SGIP1: variants seen among roughly 807,000 people sequenced by gnomAD.
The protein encoded by SGIP1 is SH3-containing GRB2-like protein 3-interacting protein 1.
In SGIP1, 38 loss-of-function variants were observed where a neutral mutation model predicts 107.5. The ratio of observed to expected loss-of-function variants is 0.35; its 90% confidence interval spans 0.27 to 0.46. The LOEUF (loss-of-function observed/expected upper bound fraction) is 0.46, where lower values mean the gene tolerates loss of function less well. Ranked by LOEUF, SGIP1 falls within the 20% of genes least tolerant of loss-of-function variation. SGIP1 has a pLI of 1.00. For synonymous variants in SGIP1, 365 were observed against 366.1 expected, an observed-to-expected ratio of 1.00 and a Z score of 0.03; for missense variants, 929 against 1,019.5, an observed-to-expected ratio of 0.91 and a Z score of 1.21.
chr1:66,720,194 G>C (rs1421443330), intron 19 of SGIP1, among the ~76,000 whole-genome samples: 1 of 152,030 alleles, frequency 6.6e-6, no homozygotes, highest in East Asian at 1.9e-4. Context: ...TCTATAAAAA[G>C]AGTCTATAAT....
intron 18 of SGIP1, among the ~76,000 whole-genome samples, chr1:66,710,114 C>A (rs754659496): frequency 3.3e-5 from 5 of 151,920 alleles, no homozygotes; most frequent in Admixed American, 6.6e-5. Flanking sequence ...TTCTCCCAAA[C>A]CTATTCTAAA....
At chr1:66,577,562 A>C (rs1359051724) in intron 1 of SGIP1, among the ~76,000 whole-genome samples, 1 of 152,046 alleles carries the variant, frequency 6.6e-6, no homozygotes, top group African/African-American at 2.4e-5. Context: ...GACTATTTTA[A>C]CTGATGGGTG....
At chr1:66,571,236 A>G (rs1000020074) in intron 1 of SGIP1, among the ~76,000 whole-genome samples, 2 of 152,024 alleles carry the variant, frequency 1.3e-5, no homozygotes, top group Non-Finnish European at 2.9e-5. Context: ...AGGTCCTAGG[A>G]CATTACATCA....
intron 21 of SGIP1, among the ~76,000 whole-genome samples, chr1:66,737,455 G>T (rs1403044203): frequency 6.6e-6 from 1 of 152,106 alleles, no homozygotes; most frequent in Non-Finnish European, 1.5e-5. Context: ...CACTTTGGGA[G>T]GCTGAGGCAG....
intron 1 of SGIP1, among the ~76,000 whole-genome samples, chr1:66,550,819 C>T (rs1206564528): frequency 6.6e-6 from 1 of 152,110 alleles, no homozygotes; most frequent in Non-Finnish European, 1.5e-5. Flanking sequence ...GACTTGAACT[C>T]ATCTGACGAG....
At chr1:66,675,922 C>A (rs1416442584) in intron 12 of SGIP1, among the ~76,000 whole-genome samples, 1 of 152,144 alleles carries the variant, frequency 6.6e-6, no homozygotes, top group Non-Finnish European at 1.5e-5. Flanking sequence ...GATCTTAGCT[C>A]TTCTGCTTTT....
At chr1:66,637,363 A>T (rs966086287) in intron 4 of SGIP1, among the ~76,000 whole-genome samples, 1 of 151,964 alleles carries the variant, frequency 6.6e-6, no homozygotes, top group Non-Finnish European at 1.5e-5. Flanking sequence ...CTTTAACTTG[A>T]TAATTTTCAC....
intron 19 of SGIP1, among the ~76,000 whole-genome samples, chr1:66,720,925 T>C (rs2093499160): frequency 6.6e-6 from 1 of 152,160 alleles, no homozygotes; most frequent in South Asian, 2.1e-4. Context: ...GTTTTAGACG[T>C]AAAACTCGAA....
intron 1 of SGIP1, among the ~76,000 whole-genome samples, chr1:66,602,096 T>C (rs1418394503): frequency 6.6e-6 from 1 of 152,218 alleles, no homozygotes; most frequent in Non-Finnish European, 1.5e-5. Flanking sequence ...GAATCAGTGA[T>C]CTGGAGAAAG....
At chr1:66,556,547 T>C (rs2058203213) in intron 1 of SGIP1, among the ~76,000 whole-genome samples, 2 of 152,098 alleles carry the variant, frequency 1.3e-5, no homozygotes, top group South Asian at 4.1e-4. Flanking sequence ...GCAATGGAGC[T>C]GGAGGAGGGC....
chr1:66,671,082 C>A, intron 10 of SGIP1, 63 bp downstream of exon 10: 1 of 865,066 alleles, frequency 1.2e-6, no homozygotes, highest in Non-Finnish European at 1.8e-6. Context: ...TTCCTTGGAT[C>A]TTGGAGTATA....
At chr1:66,731,092 C>T (rs1170247838) in intron 20 of SGIP1, among the ~76,000 whole-genome samples, 3 of 152,140 alleles carry the variant, frequency 2.0e-5, no homozygotes, top group Non-Finnish European at 4.4e-5. Context: ...TCTAAAGGTA[C>T]CCTGTTCTTT....
chr1:66,554,263 C>G (rs2057859272), intron 1 of SGIP1, among the ~76,000 whole-genome samples: 2 of 152,170 alleles, frequency 1.3e-5, no homozygotes, highest in South Asian at 4.1e-4. Context: ...AGGAACACAA[C>G]AACCATTGAG....
Position 66,560,343 on chromosome 1 carries a change from T to A in SGIP1, c.10+25975T>A, listed in dbSNP as rs540608920. Among the ~76,000 whole-genome samples, 27 of 152,186 alleles carry A rather than the reference T, an allele frequency of 1.8e-4. 1 individual carries two copies. The highest frequency in any genetic ancestry group is 7.2e-4 in the Admixed American group (11 of 15,262). On this transcript the variant is annotated intron_variant, in intron 1 of 24. Coordinates refer to ENST00000371037, the MANE Select transcript of SGIP1 (RefSeq NM_032291.4). ...GTATGTTTTTCAGGCCCACCCTCAT[T>A]AGTTCCGCACTCTATCCTTGTAGTT... is the stretch of plus-strand genomic sequence containing the variant.
At position 66,682,087 on chromosome 1, in the gene SGIP1, G is replaced by A. The variant is rs1371344619; in HGVS notation, c.1033G>A (p.Asp345Asn). The change falls in exon 15 of 25, where the codon GAC becomes AAC. Residue 345 changes from aspartate to asparagine, a missense_variant. By Grantham distance (23) the Asp-to-Asn change is conservative. Around this residue, in one of 2 missense-constraint regions of SGIP1, gnomAD observed 588 missense variants for 588.6 expected, o/e 1.00. Coordinates refer to ENST00000371037, the MANE Select transcript of SGIP1 (RefSeq NM_032291.4). The part of the protein sequence containing the change: ...SPPATPDNPA[D>N]SPAPGPLGPP... ...ACCAGCTACACCAGACAACCCAGCT[G>A]ACTCCCCAGCTCCAGGCCCTCTCGG... is the stretch of plus-strand genomic sequence containing the variant. 6.2e-7 allele frequency: 1 copy of A among 1,614,222 alleles called. No homozygotes were observed. Among genetic ancestry groups the A allele is most frequent in the Non-Finnish European group, 8.5e-7 (1 of 1,180,028 alleles).
chr1:66,671,795 C>T (rs1312763554), intron 10 of SGIP1, 149 bp from the exon 11 acceptor site: 12 of 679,964 alleles, frequency 1.8e-5, no homozygotes, highest in Non-Finnish European at 2.8e-5. Context: ...TGTTGCATTG[C>T]CAGGGGAGAA....
intron 2 of SGIP1, among the ~76,000 whole-genome samples, chr1:66,632,246 G>C (rs552135372): frequency 1.3e-5 from 2 of 152,172 alleles, no homozygotes; most frequent in Admixed American, 1.3e-4. Context: ...CATCTTACTC[G>C]AAAGCCCTTG....
chr1:66,539,955 C>A (rs2054517931), intron 1 of SGIP1, among the ~76,000 whole-genome samples: 1 of 152,114 alleles, frequency 6.6e-6, no homozygotes, highest in Non-Finnish European at 1.5e-5. Flanking sequence ...TCTGGTCTAC[C>A]ATTTTCATCT....
chr1:66,598,207 A>G (rs2065097499), intron 1 of SGIP1, among the ~76,000 whole-genome samples: 1 of 152,126 alleles, frequency 6.6e-6, no homozygotes, highest in Admixed American at 6.5e-5. Context: ...ATTTTAATTT[A>G]TTTTCTTTAC....
Sources: gnomAD v4.1 joint callset for allele counts (sites outside exome capture counted in the v4.1 genomes callset) on GRCh38, gnomAD v4.1.1 for gene constraint, gnomAD v4.1.1 regional missense constraint, MANE v1.5 for transcripts, NCBI Gene and HGNC (gene_info 2026-07-23, HGNC 2026-07-21) for gene names.